Variants in ANKRD62 observed in about 807,000 individuals in gnomAD.
ANKRD62 encodes ankyrin repeat domain 62, also known as ankyrin repeat domain-containing protein 62.
Under a neutral mutation model 98.8 loss-of-function variants are expected in ANKRD62, and 61 were observed. That is an observed-to-expected ratio of 0.62 (90% CI 0.50 to 0.76). The LOEUF (loss-of-function observed/expected upper bound fraction) is 0.76, where lower values mean the gene tolerates loss of function less well. Among genes scored for constraint, ANKRD62 ranks in the 30% least tolerant of loss-of-function variants. The pLI is 0.00. For synonymous variants in ANKRD62, 341 were observed against 367.9 expected, an observed-to-expected ratio of 0.93 and a Z score of 0.84; for missense variants, 933 against 1,082.9, an observed-to-expected ratio of 0.86 and a Z score of 1.94.
At chr18:12,097,208 T>C (rs1242780050) in intron 4 of ANKRD62, among the ~76,000 whole-genome samples, 1 of 152,232 alleles carries the variant, frequency 6.6e-6, no homozygotes, top group Non-Finnish European at 1.5e-5. Context: ...CTGAAACTAC[T>C]GTGGCTATTA....
At chr18:12,117,597 C>T (rs1909691820) in intron 10 of ANKRD62, among the ~76,000 whole-genome samples, 1 of 152,180 alleles carries the variant, frequency 6.6e-6, no homozygotes, top group African/African-American at 2.4e-5. Context: ...GCTGTAGGTT[C>T]ATCATAGATG....
At chr18:12,103,936 A>G (rs539712422) in intron 7 of ANKRD62, among the ~76,000 whole-genome samples, 8 of 152,276 alleles carry the variant, frequency 5.3e-5, no homozygotes, top group African/African-American at 1.4e-4. Context: ...ATTACAGTAT[A>G]TAATTTGAAT....
chr18:12,106,017 T>C (rs981740850), intron 7 of ANKRD62, among the ~76,000 whole-genome samples: 12 of 152,224 alleles, frequency 7.9e-5, no homozygotes, highest in African/African-American at 2.7e-4. Flanking sequence ...GTGTCTGTCC[T>C]TGAGAGTTGG....
At chr18:12,145,187 T>C in the ANKRD62 span, among the ~76,000 whole-genome samples, 1 of 152,106 alleles carries the variant, frequency 6.6e-6, no homozygotes. Context: ...GCCTGCACTC[T>C]CTGAAGGCCA....
chr18:12,100,133 G>C (rs1338514130), intron 6 of ANKRD62, among the ~76,000 whole-genome samples: 8 of 152,056 alleles, frequency 5.3e-5, no homozygotes, highest in African/African-American at 1.9e-4. Flanking sequence ...TTTGAAATCT[G>C]TATATAACTC....
the ANKRD62 span, among the ~76,000 whole-genome samples, chr18:12,167,348 A>G: frequency 2.0e-5 from 3 of 151,224 alleles, no homozygotes; most frequent in Admixed American, 2.0e-4. Flanking sequence ...AAGCGTTCTC[A>G]TTGTTCAGTT....
At chr18:12,096,139 G>A (rs769585282) in intron 3 of ANKRD62, 57 bp from the exon 4 acceptor site, 46 of 1,179,426 alleles carry the variant, frequency 3.9e-5, no homozygotes, top group Non-Finnish European at 5.2e-5. Context: ...AAGGTTTTCA[G>A]TTCAGTTGGG....
chr18:12,099,279 A>G (rs928081871), intron 5 of ANKRD62, among the ~76,000 whole-genome samples: 1 of 152,210 alleles, frequency 6.6e-6, no homozygotes, highest in Non-Finnish European at 1.5e-5. Context: ...CCTAGTGAAT[A>G]AGGTAGTAAA....
At chr18:12,165,620 G>A in the ANKRD62 span, among the ~76,000 whole-genome samples, 1 of 152,000 alleles carries the variant, frequency 6.6e-6, no homozygotes, top group African/African-American at 2.4e-5. Context: ...GTCTTGAGAA[G>A]TTGTGGTTAT....
intron 5 of ANKRD62, 123 bp downstream of exon 5, chr18:12,097,900 A>G: frequency 2.7e-6 from 3 of 1,116,792 alleles, no homozygotes; most frequent in Non-Finnish European, 3.8e-6. Context: ...GCAGTGAGTT[A>G]GTCCACTTCA....
the ANKRD62 span, among the ~76,000 whole-genome samples, chr18:12,174,420 A>G: frequency 6.6e-6 from 1 of 152,140 alleles, no homozygotes. Context: ...TGATCCCTAG[A>G]GTCCTTGGAT....
the ANKRD62 span, among the ~76,000 whole-genome samples, chr18:12,164,980 C>T: frequency 4.0e-5 from 6 of 151,876 alleles, no homozygotes; most frequent in African/African-American, 1.4e-4. Context: ...TGCATATGTA[C>T]TTAGAACCAT....
chr18:12,107,463 G>T lies in ANKRD62; in HGVS notation c.1060G>T (p.Asp354Tyr). 2 of 1,500,278 alleles carry T rather than the reference G, an allele frequency of 1.3e-6. No homozygotes were observed. The highest frequency in any genetic ancestry group is 1.3e-5 in the South Asian group (1 of 76,776). 92.9% of individuals were successfully genotyped at this position (1,500,278 alleles called of 1,614,324 possible). The change falls in exon 8 of 14, where the codon GAT (aspartate) becomes TAT (tyrosine). Residue 354 changes from aspartate (D) to tyrosine (Y), a missense_variant. By Grantham distance (160) the Asp-to-Tyr change is radical. Coordinates refer to ENST00000587848, the MANE Select transcript of ANKRD62 (RefSeq NM_001277333.2). ...TCCTGGGAAGGAGAATGGCGAGTTTGATAGGTAATCCTGTAGCGATAGTTA... is the reference window on the plus strand; with the variant it reads ...TCCTGGGAAGGAGAATGGCGAGTTTTATAGGTAATCCTGTAGCGATAGTTA... ...QSPGKENGEFDRLARKTSNEK... is the reference protein window; with the variant it reads ...QSPGKENGEFYRLARKTSNEK...
the ANKRD62 span, among the ~76,000 whole-genome samples, chr18:12,139,492 A>C: frequency 3.3e-5 from 5 of 152,044 alleles, no homozygotes; most frequent in Non-Finnish European, 5.9e-5. Context: ...AAAATACTGA[A>C]AAAATGAGCC....
Position 12,096,200 on chromosome 18 carries a change from G to T in ANKRD62, c.512G>T (p.Gly171Val). The T allele has an allele frequency of 6.6e-7, 1 of 1,526,498 alleles. No individual in the cohort carries two copies. The highest frequency in any genetic ancestry group is 8.8e-7 in the Non-Finnish European group (1 of 1,139,962). The allele number at this position is 1,526,498 out of a possible 1,614,324, so 94.6% of individuals were successfully genotyped here. The change falls in exon 4 of 14, where the codon GGA becomes GTA. Residue 171 changes from glycine to valine, a missense_variant. Around this residue, in one of 3 missense-constraint regions of ANKRD62, gnomAD observed 549 missense variants for 587.9 expected, o/e 0.93. Transcript: ENST00000587848. ...GADIEARSQD[G>V]HTSLLLAVNR... The stretch of plus-strand genomic sequence containing the variant: ...ATTGTTTTTGCTGTTTTGCAGGATG[G>T]ACATACATCACTTTTACTCGCTGTA...
chr18:12,180,890 C>T, the ANKRD62 span, among the ~76,000 whole-genome samples: 1 of 146,212 alleles, frequency 6.8e-6, no homozygotes, highest in Non-Finnish European at 1.5e-5. Context: ...GTGTGCTGCA[C>T]CCATTAACTC....
the ANKRD62 span, among the ~76,000 whole-genome samples, chr18:12,145,408 C>T: frequency 6.6e-6 from 1 of 152,216 alleles, no homozygotes; most frequent in Non-Finnish European, 1.5e-5. Flanking sequence ...CTCTGTTGGC[C>T]AGAGAATACC....
At chr18:12,104,294 G>A (rs1909368174) in intron 7 of ANKRD62, among the ~76,000 whole-genome samples, 1 of 152,042 alleles carries the variant, frequency 6.6e-6, no homozygotes, top group African/African-American at 2.4e-5. Flanking sequence ...TTGGGATTAG[G>A]TAAACATAGA....
the ANKRD62 span, among the ~76,000 whole-genome samples, chr18:12,152,126 T>C: frequency 7.3e-6 from 1 of 136,230 alleles, no homozygotes; most frequent in Non-Finnish European, 1.5e-5. Flanking sequence ...CACAGCCAGA[T>C]TCGACCAGAT....
Sources: gnomAD v4.1 joint callset for allele counts (sites outside exome capture counted in the v4.1 genomes callset) on GRCh38, gnomAD v4.1.1 for gene constraint, gnomAD v4.1.1 regional missense constraint, MANE v1.5 for transcripts, NCBI Gene and HGNC (gene_info 2026-07-23, HGNC 2026-07-21) for gene names.